THSD7B: variants seen among roughly 807,000 people sequenced by gnomAD.
The protein encoded by THSD7B is thrombospondin type 1 domain containing 7B.
A neutral mutation model predicts 213.6 loss-of-function variants in THSD7B; 138 were observed. The ratio of observed to expected loss-of-function variants is 0.65; its 90% CI spans 0.56 to 0.74. The LOEUF (loss-of-function observed/expected upper bound fraction) is 0.74, where lower values mean the gene tolerates loss of function less well. Ranked by LOEUF, THSD7B falls within the 30% of genes least tolerant of loss-of-function variation. The pLI is 0.00. For synonymous variants in THSD7B, 742 were observed against 687.0 expected, an observed-to-expected ratio of 1.08 and a Z score of -1.25; for missense variants, 1,931 against 1,991.5, an observed-to-expected ratio of 0.97 and a Z score of 0.58.
intron 2 of THSD7B, among the ~76,000 whole-genome samples, chr2:136,971,034 A>G (rs911826219): frequency 6.6e-6 from 1 of 152,248 alleles, no homozygotes; most frequent in Admixed American, 6.5e-5. Context: ...GAATAAACTA[A>G]GAAAACAAAA....
At chr2:137,321,626 A>G (rs1684266402) in intron 12 of THSD7B, among the ~76,000 whole-genome samples, 1 of 152,204 alleles carries the variant, frequency 6.6e-6, no homozygotes, top group East Asian at 1.9e-4. Flanking sequence ...GAATGAGGCA[A>G]TGTGGTAATC....
In THSD7B at chr2:136,960,953, G is replaced by T. The variant is rs536093606; in HGVS notation, c.139+78636G>T. Among the ~76,000 whole-genome samples, 3 of 151,656 alleles carry T rather than the reference G, an allele frequency of 2.0e-5. No individual in the cohort carries two copies. The South Asian group carries it at 6.3e-4, about 32-fold the overall frequency. ...AAATACAAAAAATTAGCTGGGCAAG[G>T]TGGCGGGCGCCTGTGGTCCCAGCTA... On this transcript the variant is annotated intron_variant, in intron 2 of 27. Transcript: ENST00000409968.
chr2:137,622,889 T>C (rs1432312739), intron 20 of THSD7B, among the ~76,000 whole-genome samples: 1 of 152,184 alleles, frequency 6.6e-6, no homozygotes, highest in Non-Finnish European at 1.5e-5. Flanking sequence ...CAGCCGATTC[T>C]ACCAGAGATA....
chr2:137,343,623 T>TGCC, intron 12 of THSD7B, among the ~76,000 whole-genome samples: 1 of 151,730 alleles, frequency 6.6e-6, no homozygotes, highest in African/African-American at 2.4e-5. Context: ...CCCCAGATAC[T>TGCC]GCCACTCAGT....
In THSD7B at chr2:137,230,765, A is replaced by G. The variant is rs183505797; in HGVS notation, c.1724-279A>G. ...ATATACTTGTTATATATGGTTGTCC[A>G]TAACACATCCACCAGGTCCATCTTT... On this transcript the variant is annotated intron_variant, in intron 7 of 27. Coordinates refer to ENST00000409968, the MANE Select transcript of THSD7B (RefSeq NM_001316349.2). Among the ~76,000 whole-genome samples, 511 of 152,328 alleles carry G rather than the reference A, an allele frequency of 3.4e-3. 2 individuals are homozygous for G. The highest frequency in any genetic ancestry group is 3.8e-3 in the Non-Finnish European group (258 of 68,030).
chr2:137,074,414 CTT>C (rs1212539288), intron 3 of THSD7B, among the ~76,000 whole-genome samples: 1 of 151,746 alleles, frequency 6.6e-6, no homozygotes, highest in African/African-American at 2.4e-5. Flanking sequence ...CAACCCCTGC[CTT>C]TTTTTGTTTT....
chr2:136,808,239 G>A (rs1682321049), intron 1 of THSD7B, among the ~76,000 whole-genome samples: 1 of 152,146 alleles, frequency 6.6e-6, no homozygotes, highest in Non-Finnish European at 1.5e-5. Flanking sequence ...AGATCTTTTT[G>A]TTTTTAAGTC....
intron 12 of THSD7B, among the ~76,000 whole-genome samples, chr2:137,385,525 C>T (rs1174342861): frequency 1.3e-5 from 2 of 152,188 alleles, no homozygotes; most frequent in Non-Finnish European, 2.9e-5. Flanking sequence ...GCCCAGTGGT[C>T]TTGAGCCAGC....
intron 17 of THSD7B, among the ~76,000 whole-genome samples, chr2:137,610,459 G>T (rs922239192): frequency 1.3e-4 from 20 of 152,258 alleles, no homozygotes; most frequent in African/African-American, 4.8e-4. Flanking sequence ...TGGACTGCTG[G>T]AGTACCCCCT....
chr2:136,920,642 G>A (rs1194006559), intron 2 of THSD7B, among the ~76,000 whole-genome samples: 1 of 152,138 alleles, frequency 6.6e-6, no homozygotes, highest in East Asian at 1.9e-4. Flanking sequence ...AGCCTTTCCT[G>A]GCTTGAAGGA....
intron 9 of THSD7B, among the ~76,000 whole-genome samples, chr2:137,236,702 G>A (rs1185910174): frequency 2.6e-5 from 4 of 152,140 alleles, no homozygotes; most frequent in Non-Finnish European, 5.9e-5. Context: ...TCCCCATCTA[G>A]CTGAGTGAGA....
chr2:136,925,147 C>T (rs527960607), intron 2 of THSD7B, among the ~76,000 whole-genome samples: 4 of 152,202 alleles, frequency 2.6e-5, no homozygotes, highest in East Asian at 3.9e-4. Context: ...TCCTCTTTTA[C>T]GATTTACATG....
At chr2:136,908,279 T>C (rs1460195644) in intron 2 of THSD7B, among the ~76,000 whole-genome samples, 1 of 152,214 alleles carries the variant, frequency 6.6e-6, no homozygotes, top group Non-Finnish European at 1.5e-5. Flanking sequence ...GCAATAATAA[T>C]ATTTATGTTG....
At chr2:137,408,868 T>C (rs1462686292) in intron 13 of THSD7B, among the ~76,000 whole-genome samples, 1 of 152,224 alleles carries the variant, frequency 6.6e-6, no homozygotes, top group East Asian at 1.9e-4. Flanking sequence ...CCATGAGTTT[T>C]GATCTGAAGG....
chr2:136,991,992 A>G (rs746368889), intron 2 of THSD7B, among the ~76,000 whole-genome samples: 4 of 152,244 alleles, frequency 2.6e-5, no homozygotes, highest in Non-Finnish European at 5.9e-5. Flanking sequence ...TAAAAATTAC[A>G]GAGTCCCCTT....
At chr2:136,950,421 T>A (rs1685017135) in intron 2 of THSD7B, among the ~76,000 whole-genome samples, 1 of 151,924 alleles carries the variant, frequency 6.6e-6, no homozygotes, top group African/African-American at 2.4e-5. Context: ...ATCCCAAAAC[T>A]GAAAGTAAAA....
chr2:137,402,842 A>G (rs1328133598), intron 12 of THSD7B, among the ~76,000 whole-genome samples: 1 of 151,170 alleles, frequency 6.6e-6, no homozygotes, highest in East Asian at 1.9e-4. Flanking sequence ...AAAGGTTTGA[A>G]TTTCACATAG....
At chr2:137,203,872 C>T (rs1680928267) in intron 7 of THSD7B, among the ~76,000 whole-genome samples, 1 of 152,070 alleles carries the variant, frequency 6.6e-6, no homozygotes, top group Admixed American at 6.6e-5. Context: ...ATGAACTTTG[C>T]TCTCAGAGAA....
intron 17 of THSD7B, among the ~76,000 whole-genome samples, chr2:137,578,748 G>A (rs1327544278): frequency 6.6e-6 from 1 of 152,156 alleles, no homozygotes; most frequent in South Asian, 2.1e-4. Flanking sequence ...TAGGGACCTA[G>A]GTGGTTTTGG....
Sources: allele counts gnomAD v4.1 joint callset (sites outside exome capture counted in the v4.1 genomes callset), GRCh38; gene constraint gnomAD v4.1.1; transcripts MANE v1.5; gene names NCBI Gene and HGNC (gene_info 2026-07-23, HGNC 2026-07-21).